RAD54L2: variants seen among roughly 807,000 people sequenced by gnomAD.
RAD54L2 encodes the protein helicase ARIP4.
In RAD54L2, 27 loss-of-function variants were observed where a neutral mutation model predicts 138.4. The ratio of observed to expected loss-of-function variants is 0.20; its 90% CI spans 0.14 to 0.27. The LOEUF (loss-of-function observed/expected upper bound fraction) is 0.27. Among genes scored for constraint, RAD54L2 ranks in the 10% least tolerant of loss-of-function variants. The pLI, the probability that RAD54L2 is intolerant of heterozygous loss-of-function variation, is 1.00. For missense variants in RAD54L2, 1,396 were observed against 1,890.2 expected (o/e 0.74, Z 4.85); for synonymous variants, 644 against 723.2 (o/e 0.89, Z 1.76).
intron 21 of RAD54L2, among the ~76,000 whole-genome samples, chr3:51,658,550 C>G (rs1701668571): frequency 6.6e-6 from 1 of 152,156 alleles, no homozygotes; most frequent in Admixed American, 6.5e-5. Flanking sequence ...TTTTTCCCCT[C>G]TTTTCTGCAC....
rs560663801 is a variant in RAD54L2, at chr3:51,590,573, A to C, written c.139+14A>C. 5.2e-6 allele frequency: 8 copies of C among 1,552,340 alleles called. No homozygotes were observed. The East Asian group carries it at 1.7e-4, about 33-fold the overall frequency. On this transcript the variant is annotated intron_variant, in intron 3 of 22. Coordinates refer to ENST00000684192, the MANE Select transcript of RAD54L2 (RefSeq NM_015106.4). ...ACCTGCTGGATGGTAAGTGGGCTCTATTGAGTGACAGAAGTTGCCTTATAT... is the reference window on the plus strand; with the variant it reads ...ACCTGCTGGATGGTAAGTGGGCTCTCTTGAGTGACAGAAGTTGCCTTATAT...
intron 3 of RAD54L2, among the ~76,000 whole-genome samples, chr3:51,595,609 C>T (rs544017449): frequency 1.1e-4 from 16 of 152,250 alleles, no homozygotes; most frequent in South Asian, 2.1e-4. Context: ...TTATAGAACA[C>T]GGAGGTTTGG....
At chr3:51,570,527 G>A (rs1699316560) in intron 2 of RAD54L2, among the ~76,000 whole-genome samples, 1 of 151,696 alleles carries the variant, frequency 6.6e-6, no homozygotes, top group Non-Finnish European at 1.5e-5. Flanking sequence ...CGCGATCTCG[G>A]CTCACTGCAA....
In RAD54L2 at chr3:51,592,054, G is replaced by GTTTTTTT. The variant is rs71084151; in HGVS notation, c.139+1518_139+1524dup. On this transcript the variant is annotated intron_variant, in intron 3 of 22. Transcript: ENST00000684192. The stretch of plus-strand genomic sequence containing the variant: ...TGTAGCTGTGCAATTTGGTTTTGGT[G>GTTTTTTT]TTTTTTTTTTTTTTTTTTTTTTTTT... Among the ~76,000 whole-genome samples, 4 of 66,872 alleles carry GTTTTTTT rather than the reference G, an allele frequency of 6.0e-5. No individual in the cohort carries two copies. The Admixed American group carries it at 7.9e-4, about 13-fold the overall frequency. The allele number at this position is 66,872 out of a possible 152,430, so 43.9% of individuals were successfully genotyped here.
At chr3:51,610,068 G>A (rs949063970) in intron 3 of RAD54L2, among the ~76,000 whole-genome samples, 9 of 151,520 alleles carry the variant, frequency 5.9e-5, no homozygotes, top group Admixed American at 2.0e-4. Context: ...CCCAGGAGGT[G>A]GAGCTTGCAG....
intron 3 of RAD54L2, among the ~76,000 whole-genome samples, chr3:51,604,538 TG>T (rs1405235128): frequency 6.6e-6 from 1 of 152,218 alleles, no homozygotes; most frequent in East Asian, 1.9e-4. Flanking sequence ...ATCAACCACC[TG>T]GAATCAAATC....
intron 3 of RAD54L2, among the ~76,000 whole-genome samples, chr3:51,621,604 A>G (rs1336372299): frequency 6.6e-6 from 1 of 152,242 alleles, no homozygotes; most frequent in Admixed American, 6.5e-5. Context: ...CCCCCTGCCC[A>G]GCAGATCAAT....
At chr3:51,580,101 C>G (rs1225370503) in intron 2 of RAD54L2, among the ~76,000 whole-genome samples, 1 of 152,128 alleles carries the variant, frequency 6.6e-6, no homozygotes, top group African/African-American at 2.4e-5. Flanking sequence ...ACAACACCCC[C>G]ACTTTAGACA....
Position 51,630,382 on chromosome 3 carries a change from C to T in RAD54L2, c.592C>T (p.Arg198Ter). ...TGGCAGTGAGGATGAAAAAAGCAGT[C>T]GAGATGGTAAGATCAAACCAGGTGC... ...SSGSEDEKSS[R>*]DEVIELSSGE... Residue 198 changes from arginine to a stop codon, truncating the protein, a stop_gained, in exon 6 of 23, where the codon CGA (arginine) becomes TGA (stop). Coordinates refer to ENST00000684192, the MANE Select transcript of RAD54L2 (RefSeq NM_015106.4). LOFTEE classifies it high-confidence loss of function. The T allele has an allele frequency of 6.2e-7, 1 of 1,613,182 alleles. No homozygotes were observed. Among genetic ancestry groups the T allele is most frequent in the Non-Finnish European group, 8.5e-7 (1 of 1,179,282 alleles).
rs767758504 is a variant in RAD54L2 at position 51,641,730 on chromosome 3, G to T, written c.2232-19G>T. The T allele has an allele frequency of 6.6e-7, 1 of 1,509,034 alleles. No homozygotes were observed. The highest frequency in any genetic ancestry group is 2.4e-5 in the East Asian group (1 of 41,584). 93.5% of individuals were successfully genotyped at this position (1,509,034 alleles called of 1,614,324 possible). On this transcript the variant is annotated intron_variant, in intron 14 of 22. Transcript: ENST00000684192. ...CCTCAATTCTGGGAGCCATCTGAAC[G>T]AAATGTTTTCTGTTTCAGCCAGAGT...
chr3:51,649,729 C>CA (rs1437207555), intron 19 of RAD54L2, among the ~76,000 whole-genome samples: 1 of 151,144 alleles, frequency 6.6e-6, no homozygotes, highest in Non-Finnish European at 1.5e-5. Context: ...ATAAAATCCT[C>CA]AAATGCTGAG....
In RAD54L2 at chr3:51,663,831, T is replaced by G. The variant is rs1392751768; in HGVS notation, c.*411T>G. On this transcript the variant is annotated 3_prime_UTR_variant, in exon 23 of 23. Transcript: ENST00000684192. ...ACTTAGCTTGGCCTGGGGAGGGGAG[T>G]GAAGGAAGGGAGAATGAGTGAGAGA... 1.7e-4 allele frequency: 22 copies of G among 127,352 alleles called. No individual in the cohort carries two copies. The highest frequency in any genetic ancestry group is 4.2e-4 in the Admixed American group (5 of 11,816). The allele number at this position is 127,352 out of a possible 1,614,324, so 7.9% of individuals were successfully genotyped here. A position where few individuals can be genotyped will look rare whatever the true frequency, so the allele number is the denominator to read the frequency against.
In RAD54L2 at chr3:51,629,469, C is replaced by T; in HGVS notation, c.477C>T (p.Leu159=). Residue 159 remains leucine (L), a synonymous_variant, in exon 5 of 23, where the codon CTC becomes CTT. Coordinates refer to ENST00000684192, the MANE Select transcript of RAD54L2 (RefSeq NM_015106.4). ...TTCCTACTGTTCCGCTGGAGTTCCT[C>T]CCTGGTAAGCAGTGGACATGGCAGG... The part of the protein sequence containing the change: ...APIPTVPLEF[L]PEEIALRASD... The T allele has an allele frequency of 3.7e-6, 6 of 1,612,432 alleles. No individual in the cohort carries two copies. The highest frequency in any genetic ancestry group is 5.1e-6 in the Non-Finnish European group (6 of 1,179,326).
intron 15 of RAD54L2, 132 bp from the exon 16 acceptor site, chr3:51,643,743 C>G (rs531188264): frequency 1.4e-6 from 1 of 720,990 alleles, no homozygotes; most frequent in African/African-American, 1.8e-5. Context: ...ACCCATGATA[C>G]GTCCAAGGGG....
intron 3 of RAD54L2, among the ~76,000 whole-genome samples, chr3:51,624,322 C>T (rs1277512715): frequency 2.0e-5 from 3 of 151,532 alleles, no homozygotes; most frequent in Admixed American, 6.6e-5. Flanking sequence ...CTGCAGCCTC[C>T]ACCTCCCAAG....
At chr3:51,540,542 G>T (rs1387007756) in intron 1 of RAD54L2, among the ~76,000 whole-genome samples, 1 of 152,180 alleles carries the variant, frequency 6.6e-6, no homozygotes, top group Admixed American at 6.5e-5. Context: ...GTCTGTAGGT[G>T]AGGTTTAAAG....
At chr3:51,603,654 C>T (rs1700122308) in intron 3 of RAD54L2, among the ~76,000 whole-genome samples, 3 of 152,026 alleles carry the variant, frequency 2.0e-5, no homozygotes, top group Admixed American at 1.3e-4. Context: ...CCTACTGTGG[C>T]TTGGAAGGCT....
Position 51,611,613 on chromosome 3 carries a change from T to A in RAD54L2, c.140-15940T>A, listed in dbSNP as rs562334330. On this transcript the variant is annotated intron_variant, in intron 3 of 22. Coordinates refer to ENST00000684192, the MANE Select transcript of RAD54L2 (RefSeq NM_015106.4). The stretch of plus-strand genomic sequence containing the variant: ...TCTCACTCTGTTGCCCAGGCTGGAG[T>A]GCAGTGGCACAGTCTTGGCTCACTG... The A allele has an allele frequency of 1.6e-4, 25 of 151,840 alleles. 1 individual carries two copies. Among genetic ancestry groups the A allele is most frequent in the Admixed American group, 1.3e-3 (20 of 15,172 alleles). 9.4% of individuals were successfully genotyped at this position (151,840 alleles called of 1,614,324 possible). A position where few individuals can be genotyped will look rare whatever the true frequency, so the allele number is the denominator to read the frequency against.
At chr3:51,575,118 T>A (rs1699437231) in intron 2 of RAD54L2, among the ~76,000 whole-genome samples, 1 of 152,208 alleles carries the variant, frequency 6.6e-6, no homozygotes, top group Non-Finnish European at 1.5e-5. Flanking sequence ...TTTGCCCATT[T>A]CTTGTTTTTT....
Sources: gnomAD v4.1 joint callset for allele counts (sites outside exome capture counted in the v4.1 genomes callset) on GRCh38, gnomAD v4.1.1 for gene constraint, MANE v1.5 for transcripts, NCBI Gene and HGNC (gene_info 2026-07-23, HGNC 2026-07-21) for gene names.